SHANK2: variants seen among roughly 807,000 people sequenced by gnomAD.
SHANK2 encodes the protein SH3 and multiple ankyrin repeat domains protein 2.
In SHANK2, 43 loss-of-function variants were observed where a neutral mutation model predicts 133.7. The observed-to-expected ratio is 0.32, with a 90% CI of 0.25 to 0.41. The LOEUF is 0.41. Ranked by LOEUF, SHANK2 falls within the 10% of genes least tolerant of loss-of-function variation. The probability of loss-of-function intolerance (pLI) is 1.00; values close to 1 mark genes in which losing one functional copy is unlikely to be tolerated. For synonymous variants in SHANK2, 1,017 were observed against 952.8 expected, an observed-to-expected ratio of 1.07 and a Z score of -1.24; for missense variants, 1,994 against 2,235.8, an observed-to-expected ratio of 0.89 and a Z score of 2.18.
At chr11:70,614,633 G>A (rs1243439449) in intron 17 of SHANK2, among the ~76,000 whole-genome samples, 5 of 152,218 alleles carry the variant, frequency 3.3e-5, no homozygotes, top group Admixed American at 1.3e-4. Context: ...TTTCTTAGCA[G>A]CCCTAAGAAA....
At chr11:71,085,609 ATATAT>A (rs1301505668) in intron 8 of SHANK2, among the ~76,000 whole-genome samples, 115 of 82,952 alleles carry the variant, frequency 1.4e-3, no homozygotes, top group African/African-American at 4.9e-3. Context: ...TATATTAAAT[ATATAT>A]TATATTATAT....
intron 3 of SHANK2, among the ~76,000 whole-genome samples, chr11:71,136,062 G>A (rs183058468): frequency 8.5e-4 from 129 of 152,132 alleles, no homozygotes; most frequent in Non-Finnish European, 1.3e-3. Context: ...TTCTGGTTGC[G>A]ACGGCTGAAT....
At chr11:70,606,287 C>T (rs563387765) in intron 17 of SHANK2, among the ~76,000 whole-genome samples, 2 of 152,244 alleles carry the variant, frequency 1.3e-5, no homozygotes, top group Admixed American at 6.5e-5. Flanking sequence ...CTTGGTTGCT[C>T]CTGCCTTTGA....
intron 2 of SHANK2, among the ~76,000 whole-genome samples, chr11:71,178,634 C>T (rs1285250258): frequency 6.6e-6 from 1 of 152,142 alleles, no homozygotes; most frequent in African/African-American, 2.4e-5. Context: ...AAGAACTATG[C>T]TTTAAAAATA....
intron 9 of SHANK2, among the ~76,000 whole-genome samples, chr11:71,063,952 T>A (rs971442950): frequency 0.29 from 43,855 of 151,108 alleles, 6,717 homozygotes; most frequent in African/African-American, 0.31. Flanking sequence ...CCAGACCCCA[T>A]CATTTCCATT....
chr11:70,496,970 T>A (rs1555157271), intron 21 of SHANK2: 1 of 456,574 alleles, frequency 2.2e-6, no homozygotes, highest in Admixed American at 2.3e-5. Flanking sequence ...CCTGTGGACA[T>A]CTGGTCTCTG....
chr11:71,102,810 G>A (rs2135173750), intron 6 of SHANK2, among the ~76,000 whole-genome samples: 1 of 152,338 alleles, frequency 6.6e-6, no homozygotes, highest in Non-Finnish European at 1.5e-5. Context: ...CCCTGCCTCT[G>A]CCCTCCCTGG....
At chr11:71,105,620 G>A (rs1951791205) in intron 6 of SHANK2, among the ~76,000 whole-genome samples, 1 of 149,164 alleles carries the variant, frequency 6.7e-6, no homozygotes. Context: ...AAAAAGAAAG[G>A]GTCAGCAGCT....
At chr11:71,071,437 T>C (rs1431060381) in intron 9 of SHANK2, among the ~76,000 whole-genome samples, 2 of 152,198 alleles carry the variant, frequency 1.3e-5, no homozygotes, top group Non-Finnish European at 2.9e-5. Flanking sequence ...CTTATGCCTC[T>C]GATGATATCC....
chr11:70,686,105 C>T (rs1945143565), intron 15 of SHANK2, among the ~76,000 whole-genome samples: 1 of 141,452 alleles, frequency 7.1e-6, no homozygotes, highest in African/African-American at 2.6e-5. Context: ...CTATCCATCA[C>T]CCATCTACCC....
At chr11:70,801,415 T>TG (rs1217649044) in intron 13 of SHANK2, among the ~76,000 whole-genome samples, 4 of 152,184 alleles carry the variant, frequency 2.6e-5, no homozygotes, top group Admixed American at 2.6e-4. Context: ...TCTGGGTTTC[T>TG]GGTTGTGCAA....
At chr11:70,661,466 TC>T (rs2061487164) in intron 16 of SHANK2, 129 bp downstream of exon 16, 1 of 988,080 alleles carries the variant, frequency 1.0e-6, no homozygotes, top group Admixed American at 1.9e-5. Context: ...TAATGCTTAT[TC>T]CTGAGCTGGG....
chr11:70,601,288 C>T (rs1178009752), intron 17 of SHANK2, among the ~76,000 whole-genome samples: 1 of 151,506 alleles, frequency 6.6e-6, no homozygotes, highest in Non-Finnish European at 1.5e-5. Context: ...GGCACGATCT[C>T]GGCTCACTGC....
Position 70,901,531 on chromosome 11 carries a change from G to A in SHANK2, c.1108-4964C>T, listed in dbSNP as rs191941901. Among the ~76,000 whole-genome samples the A allele has an allele frequency of 9.2e-5, 14 of 152,270 alleles. No individual in the cohort carries two copies. The South Asian group carries it at 1.0e-3, about 11-fold the overall frequency. ...ATGAGAACTCTGCTCTCTACAGCTC[G>A]CCTGTTTTTCCCCCATTAATTCAAC... is the stretch of plus-strand genomic sequence containing the variant. On this transcript the variant is annotated intron_variant, in intron 10 of 25. Coordinates refer to ENST00000601538, the MANE Select transcript of SHANK2 (RefSeq NM_012309.5).
intron 11 of SHANK2, among the ~76,000 whole-genome samples, chr11:70,822,556 G>A (rs183635904): frequency 0.01 from 1,541 of 150,830 alleles, 20 homozygotes; most frequent in Non-Finnish European, 0.014. Context: ...AAGAGTTCAC[G>A]GGGGACAGAG....
chr11:71,243,552 G>A (rs888904945), intron 1 of SHANK2, among the ~76,000 whole-genome samples: 5 of 152,206 alleles, frequency 3.3e-5, no homozygotes, highest in Admixed American at 3.3e-4. Context: ...AAAATTAGTT[G>A]GGCCTGGTGG....
intron 14 of SHANK2, among the ~76,000 whole-genome samples, chr11:70,747,855 G>A (rs1591810042): frequency 6.6e-6 from 1 of 152,330 alleles, no homozygotes; most frequent in East Asian, 1.9e-4. Context: ...TATGTGCAGT[G>A]TTTGTGTGTG....
At chr11:70,825,095 G>A (rs782502347) in intron 11 of SHANK2, among the ~76,000 whole-genome samples, 48 of 152,060 alleles carry the variant, frequency 3.2e-4, no homozygotes, top group Admixed American at 9.8e-4. Context: ...CAGCTTCCCC[G>A]CCCCGACAAT....
At chr11:70,643,025 C>T (rs148831639) in intron 17 of SHANK2, among the ~76,000 whole-genome samples, 1 of 152,164 alleles carries the variant, frequency 6.6e-6, no homozygotes, top group African/African-American at 2.4e-5. Context: ...ACATCGTGTG[C>T]ATGTATCAAA....
Sources: gnomAD v4.1 joint callset for allele counts (sites outside exome capture counted in the v4.1 genomes callset) on GRCh38, gnomAD v4.1.1 for gene constraint, MANE v1.5 for transcripts, NCBI Gene and HGNC (gene_info 2026-07-23, HGNC 2026-07-21) for gene names.